Variants in NOL4 observed in about 807,000 individuals in gnomAD.
NOL4 encodes nucleolar protein 4, also known as cancer/testis antigen 125.
NOL4 carries 17 observed loss-of-function variants against 75.9 expected under a neutral mutation model. The observed-to-expected ratio is 0.22, with a 90% confidence interval of 0.15 to 0.34. The LOEUF (loss-of-function observed/expected upper bound fraction) is 0.34. Among genes scored for constraint, NOL4 ranks in the 10% least tolerant of loss-of-function variants. The pLI, the probability that NOL4 is intolerant of heterozygous loss-of-function variation, is 1.00. For missense variants in NOL4, 614 were observed against 793.5 expected (o/e 0.77, Z 2.72); for synonymous variants, 292 against 289.9 (o/e 1.01, Z -0.07).
chr18:34,206,297 C>G (rs537877550), intron 1 of NOL4, among the ~76,000 whole-genome samples: 2 of 152,058 alleles, frequency 1.3e-5, no homozygotes, highest in Non-Finnish European at 2.9e-5. Flanking sequence ...TTTCATCAGT[C>G]ATACATATTT....
chr18:33,879,457 A>AGTTCAG (rs2064125645), intron 10 of NOL4, among the ~76,000 whole-genome samples: 1 of 152,030 alleles, frequency 6.6e-6, no homozygotes, highest in Non-Finnish European at 1.5e-5. Flanking sequence ...ACATCACTTG[A>AGTTCAG]GATCAGGAGT....
At chr18:34,063,641 A>G (rs2077152345) in intron 5 of NOL4, among the ~76,000 whole-genome samples, 1 of 152,076 alleles carries the variant, frequency 6.6e-6, no homozygotes, top group South Asian at 2.1e-4. Flanking sequence ...TGTTAAGTGA[A>G]CATAACCAAC....
intron 1 of NOL4, among the ~76,000 whole-genome samples, chr18:34,140,910 C>G (rs143858655): frequency 6.6e-6 from 1 of 151,516 alleles, no homozygotes; most frequent in Non-Finnish European, 1.5e-5. Flanking sequence ...GCTTGTCTAA[C>G]AATGACTGTA....
At chr18:34,029,695 G>A (rs561098073) in intron 5 of NOL4, among the ~76,000 whole-genome samples, 1 of 152,204 alleles carries the variant, frequency 6.6e-6, no homozygotes, top group African/African-American at 2.4e-5. Flanking sequence ...ACATCTCTGA[G>A]GGCACAGAAA....
At chr18:34,008,363 A>ATCTGTCTG (rs1165388693) in intron 6 of NOL4, among the ~76,000 whole-genome samples, 13 of 119,862 alleles carry the variant, frequency 1.1e-4, no homozygotes, top group African/African-American at 3.7e-4. Flanking sequence ...ATCACTTTCT[A>ATCTGTCTG]TCTGTCTGTC....
Position 34,041,796 on chromosome 18 carries a change from T to C in NOL4, c.773-22195A>G, listed in dbSNP as rs149688035. 3.5e-3 allele frequency among the ~76,000 whole-genome samples: 534 copies of C among 152,084 alleles called. 2 individuals carry two copies. The highest frequency in any genetic ancestry group is 0.012 in the African/African-American group (506 of 41,548). ...TTAATTTCTTATTCTACCTTTAAAA[T>C]ACACCTTGGGTTTGTTCTACAAGTC... On this transcript the variant is annotated intron_variant, in intron 5 of 10. Transcript: ENST00000261592.
intron 6 of NOL4, among the ~76,000 whole-genome samples, chr18:33,960,710 C>T (rs765758190): frequency 4.6e-5 from 7 of 152,128 alleles, no homozygotes; most frequent in Non-Finnish European, 7.4e-5. Flanking sequence ...CCCAATGTCA[C>T]ATAGCTAGCA....
intron 1 of NOL4, among the ~76,000 whole-genome samples, chr18:34,171,685 A>C (rs1600791134): frequency 1.3e-5 from 2 of 152,248 alleles, no homozygotes; most frequent in Admixed American, 6.5e-5. Flanking sequence ...GCTTGCTCTT[A>C]CTTCATTTCT....
intron 5 of NOL4, among the ~76,000 whole-genome samples, chr18:34,057,524 G>A (rs1393666319): frequency 2.6e-5 from 4 of 152,132 alleles, no homozygotes; most frequent in African/African-American, 4.8e-5. Flanking sequence ...TCAGGAGTGT[G>A]GGTAAATGGC....
At chr18:34,040,035 G>T (rs2076073142) in intron 5 of NOL4, among the ~76,000 whole-genome samples, 2 of 151,844 alleles carry the variant, frequency 1.3e-5, no homozygotes, top group South Asian at 4.2e-4. Flanking sequence ...AAGTACCTTG[G>T]GCATATCAAA....
intron 1 of NOL4, among the ~76,000 whole-genome samples, chr18:34,219,768 T>C (rs761402928): frequency 2.6e-5 from 4 of 152,244 alleles, no homozygotes; most frequent in Non-Finnish European, 4.4e-5. Context: ...AAAAAGCAGA[T>C]GGGTTGCTCA....
At chr18:34,222,345 G>T (rs990943259) in intron 1 of NOL4, 9 of 1,267,146 alleles carry the variant, frequency 7.1e-6, no homozygotes, top group South Asian at 2.2e-5. Context: ...GAAGGGAATG[G>T]GGGGGCGGGG....
intron 2 of NOL4, among the ~76,000 whole-genome samples, chr18:34,117,084 A>G (rs2079896975): frequency 6.6e-6 from 1 of 152,228 alleles, no homozygotes; most frequent in Non-Finnish European, 1.5e-5. Flanking sequence ...AATGTCACCA[A>G]GCAATCTATG....
chr18:33,964,514 AAGGAAGGAAGGAAGAT>A (rs540940685), intron 6 of NOL4, among the ~76,000 whole-genome samples: 230 of 147,734 alleles, frequency 1.6e-3, no homozygotes, highest in Non-Finnish European at 2.6e-3. Context: ...AAAAGAAAGG[AAGGAAGGAAGGAAGAT>A]AGGAAGGAAG....
At chr18:34,081,915 C>G (rs1314719334) in intron 5 of NOL4, among the ~76,000 whole-genome samples, 5 of 152,088 alleles carry the variant, frequency 3.3e-5, no homozygotes, top group Non-Finnish European at 5.9e-5. Context: ...GTTTCCTACT[C>G]CTGTTTTAGA....
intron 6 of NOL4, among the ~76,000 whole-genome samples, chr18:33,986,971 A>C (rs932563640): frequency 1.3e-5 from 2 of 152,102 alleles, no homozygotes; most frequent in African/African-American, 4.8e-5. Context: ...AAAAGGCAGA[A>C]ATATAGAGAC....
intron 6 of NOL4, among the ~76,000 whole-genome samples, chr18:33,964,861 A>AG (rs1228053503): frequency 6.6e-6 from 1 of 152,214 alleles, no homozygotes; most frequent in East Asian, 1.9e-4. Context: ...GACATTGGGC[A>AG]GGGCAATTGA....
intron 8 of NOL4, among the ~76,000 whole-genome samples, chr18:33,955,470 AT>A (rs1235425017): frequency 1.3e-5 from 2 of 152,060 alleles, no homozygotes; most frequent in Non-Finnish European, 2.9e-5. Context: ...CTATTTATTT[AT>A]TTGTTTCTAA....
At chr18:34,034,103 T>G (rs995676494) in intron 5 of NOL4, among the ~76,000 whole-genome samples, 3 of 152,064 alleles carry the variant, frequency 2.0e-5, no homozygotes, top group Non-Finnish European at 4.4e-5. Flanking sequence ...ACGTTGTAAC[T>G]AATACTCACT....
Sources: allele counts gnomAD v4.1 joint callset (sites outside exome capture counted in the v4.1 genomes callset), GRCh38; gene constraint gnomAD v4.1.1; transcripts MANE v1.5; gene names NCBI Gene and HGNC (gene_info 2026-07-23, HGNC 2026-07-21).